ARHGEF17: variants seen among roughly 807,000 people sequenced by gnomAD.
ARHGEF17 encodes 164 kDa Rho-specific guanine-nucleotide exchange factor.
ARHGEF17 carries 80 observed loss-of-function variants against 174.0 expected under a neutral mutation model. The observed-to-expected ratio is 0.46, with a 90% CI of 0.38 to 0.55. The LOEUF (loss-of-function observed/expected upper bound fraction) is 0.55. Among genes scored for constraint, ARHGEF17 ranks in the 20% least tolerant of loss-of-function variants. The probability of loss-of-function intolerance (pLI) is 0.00; values close to 1 mark genes in which losing one functional copy is unlikely to be tolerated. For missense variants in ARHGEF17, 2,886 were observed against 2,839.7 expected, an observed-to-expected ratio of 1.02 and a Z score of -0.37; for synonymous variants, 1,311 against 1,189.1, an observed-to-expected ratio of 1.10 and a Z score of -2.11.
intron 1 of ARHGEF17, among the ~76,000 whole-genome samples, chr11:73,337,904 G>A (rs995006551): frequency 1.3e-5 from 2 of 152,112 alleles, no homozygotes; most frequent in Non-Finnish European, 2.9e-5. Flanking sequence ...CCCACCCCAG[G>A]TGCATACACG....
intron 2 of ARHGEF17, among the ~76,000 whole-genome samples, chr11:73,349,415 G>T (rs903061669): frequency 1.3e-5 from 2 of 152,170 alleles, no homozygotes; most frequent in Non-Finnish European, 2.9e-5. Flanking sequence ...AGGAGTTCAA[G>T]ACCAGCCTAG....
At chr11:73,325,302 A>G (rs112463798) in intron 1 of ARHGEF17, among the ~76,000 whole-genome samples, 3 of 151,976 alleles carry the variant, frequency 2.0e-5, no homozygotes, top group East Asian at 3.9e-4. Context: ...CTTGGGCCTC[A>G]GTCATCAGGT....
chr11:73,358,453 C>CTTTTTTTTTTTT (rs1172357794), intron 9 of ARHGEF17, among the ~76,000 whole-genome samples: 1 of 93,296 alleles, frequency 1.1e-5, no homozygotes, highest in African/African-American at 4.9e-5. Context: ...AGGTCCGCCT[C>CTTTTTTTTTTTT]TTTTTTTTTT....
intron 7 of ARHGEF17, 101 bp downstream of exon 7, chr11:73,356,860 C>A: frequency 1.3e-6 from 2 of 1,562,338 alleles, no homozygotes; most frequent in South Asian, 1.1e-5. Flanking sequence ...CTCTTTCACC[C>A]CGAGGGGAGC....
intron 2 of ARHGEF17, 144 bp downstream of exon 2, chr11:73,347,104 C>A: frequency 1.2e-6 from 1 of 825,556 alleles, no homozygotes; most frequent in Non-Finnish European, 2.0e-6. Context: ...CCATGAAGAA[C>A]CCCCAGCATG....
At chr11:73,347,733 G>A (rs186286753) in intron 2 of ARHGEF17, among the ~76,000 whole-genome samples, 49 of 152,376 alleles carry the variant, frequency 3.2e-4, no homozygotes, top group African/African-American at 1.1e-3. Context: ...GCTTTGAGCA[G>A]GGGAGGTGTG....
Position 73,308,690 on chromosome 11 carries a change from C to G in ARHGEF17, c.52C>G (p.Leu18Val). The part of the protein sequence containing the change: ...PQLYRSVSFK[L>V]LERWSGGPGL... ...GCTTTACCGCAGCGTCTCGTTCAAG[C>G]TGCTGGAGCGCTGGAGCGGCGGCCC... Residue 18 changes from leucine (L) to valine (V), a missense_variant, in exon 1 of 21, where the codon CTG becomes GTG. Transcript: ENST00000263674. The G allele has an allele frequency of 1.3e-6, 2 of 1,520,546 alleles. No homozygotes were observed. Among genetic ancestry groups the G allele is most frequent in the Non-Finnish European group, 1.8e-6 (2 of 1,137,400 alleles). The allele number at this position is 1,520,546 out of a possible 1,614,324, so 94.2% of individuals were successfully genotyped here.
In ARHGEF17 at chr11:73,328,657, G is replaced by A. The variant is rs151229379; in HGVS notation, c.3192+16827G>A. ...TGGAACTGTCCCAGAGGAGACCAAT[G>A]TGGAAACAGAAGAGGGAAAGCAAAG... is the stretch of plus-strand genomic sequence containing the variant. On this transcript the variant is annotated intron_variant, in intron 1 of 20. Transcript: ENST00000263674. Among the ~76,000 whole-genome samples the A allele has an allele frequency of 1.1e-4, 17 of 152,368 alleles. 1 individual carries two copies. The highest frequency in any genetic ancestry group is 1.1e-3 in the Admixed American group (17 of 15,308).
rs1249075794 is a variant in ARHGEF17 at position 73,340,608 on chromosome 11, T to G, written c.3193-6275T>G. Among the ~76,000 whole-genome samples, 3 of 152,302 alleles carry G rather than the reference T, an allele frequency of 2.0e-5. No homozygotes were observed. The East Asian group carries it at 5.8e-4, about 29-fold the overall frequency. ...TCTAAATCCTGAGCCACACACTGCC[T>G]CTCAGCCACTCAGAGGAAGCTGATG... On this transcript the variant is annotated intron_variant, in intron 1 of 20. Transcript: ENST00000263674.
In ARHGEF17 at chr11:73,310,769, A is replaced by C. The variant is rs987216909; in HGVS notation, c.2131A>C (p.Lys711Gln). The change falls in exon 1 of 21, where the codon AAA (lysine) becomes CAA (glutamine). Residue 711 changes from lysine to glutamine, a missense_variant. Lys to Gln is a moderately conservative substitution (Grantham distance 53). This residue lies in a region of ARHGEF17 where 1,728 missense variants were observed against 1,461.2 expected (regional missense o/e 1.18). Transcript: ENST00000263674. Reference protein sequence around the residue: ...PTPGALRRRRKVPPSGSGGSE... With the variant: ...PTPGALRRRRQVPPSGSGGSE... ...ACCAGGTGCCCTCCGCCGACGACGC[A>C]AAGTCCCACCTTCAGGTTCTGGTGG... 1 of 1,611,584 alleles carries C rather than the reference A, an allele frequency of 6.2e-7. No individual in the cohort carries two copies. Among genetic ancestry groups the C allele is most frequent in the Non-Finnish European group, 8.5e-7 (1 of 1,178,794 alleles).
intron 1 of ARHGEF17, among the ~76,000 whole-genome samples, chr11:73,317,305 C>G (rs948474866): frequency 1.3e-5 from 2 of 152,182 alleles, no homozygotes; most frequent in African/African-American, 4.8e-5. Context: ...CCCCCTACCC[C>G]CCAAGGTAGC....
rs1865160141 is a variant in ARHGEF17, at chr11:73,329,357, A to ATTT, written c.3193-17525_3193-17524insTTT. 9.7e-4 allele frequency among the ~76,000 whole-genome samples: 4 copies of ATTT among 4,124 alleles called. 1 individual carries two copies. The highest frequency in any genetic ancestry group is 2.1e-3 in the Non-Finnish European group (4 of 1,888). 2.7% of individuals were successfully genotyped at this position (4,124 alleles called of 152,430 possible). A position where few individuals can be genotyped will look rare whatever the true frequency, so the allele number is the denominator to read the frequency against. On this transcript the variant is annotated intron_variant, in intron 1 of 20. Transcript: ENST00000263674. ...TATATATATATATATATATATATAT[A>ATTT]TATATATATATATATATTTTTTTTT...
chr11:73,327,097 C>T (rs1380539253), intron 1 of ARHGEF17, among the ~76,000 whole-genome samples: 2 of 152,214 alleles, frequency 1.3e-5, no homozygotes, highest in African/African-American at 4.8e-5. Flanking sequence ...ATCCTTGGTG[C>T]TCCTATGAGC....
rs535888555 is a variant in ARHGEF17 at position 73,339,219 on chromosome 11, T to G, written c.3193-7664T>G. Among the ~76,000 whole-genome samples the G allele has an allele frequency of 2.0e-5, 3 of 152,302 alleles. No individual in the cohort carries two copies. The South Asian group carries it at 6.2e-4, about 32-fold the overall frequency. On this transcript the variant is annotated intron_variant, in intron 1 of 20. Coordinates refer to ENST00000263674, the MANE Select transcript of ARHGEF17 (RefSeq NM_014786.4). ...GTGCCCAGTAGGGCACAGACCTCTT[T>G]CCTTACCTTTAAATCCCCAGCACAG...
intron 1 of ARHGEF17, among the ~76,000 whole-genome samples, chr11:73,334,799 G>A (rs186933064): frequency 6.6e-6 from 1 of 152,230 alleles, no homozygotes; most frequent in East Asian, 1.9e-4. Context: ...GAACAAGAGG[G>A]GCTGGAAACA....
chr11:73,354,482 G>A (rs772415872), intron 3 of ARHGEF17, among the ~76,000 whole-genome samples: 5 of 152,180 alleles, frequency 3.3e-5, no homozygotes, highest in Non-Finnish European at 5.9e-5. Flanking sequence ...TTGGGAGGCC[G>A]AGGCAGGCAG....
chr11:73,356,365 G>GCCCCCCCCCCCCCCCCCCCCCCCCC lies in ARHGEF17; in HGVS notation c.3840+18_3840+19insCCCCCCCCCCCCCCCCCCCCCCCCC. ...GGCATGGAGGATGTGCGTGCGCCCT[G>GCCCCCCCCCCCCCCCCCCCCCCCCC]CCCCACCCCACCCTACCCCACCCCA... is the stretch of plus-strand genomic sequence containing the variant. On this transcript the variant is annotated intron_variant, in intron 6 of 20. Transcript: ENST00000263674. The GCCCCCCCCCCCCCCCCCCCCCCCCC allele has an allele frequency of 1.9e-6, 3 of 1,593,360 alleles. No homozygotes were observed. Among genetic ancestry groups the GCCCCCCCCCCCCCCCCCCCCCCCCC allele is most frequent in the East Asian group, 2.3e-5 (1 of 44,316 alleles).
At chr11:73,352,750 C>CA in intron 2 of ARHGEF17, 80 bp from the exon 3 acceptor site, 1 of 1,500,122 alleles carries the variant, frequency 6.7e-7, no homozygotes, top group Middle Eastern at 1.7e-4. Context: ...ATTCTGTGTG[C>CA]ACTCACACAG....
intron 3 of ARHGEF17, 200 bp downstream of exon 3, chr11:73,353,212 C>T: frequency 1.5e-6 from 1 of 670,718 alleles, no homozygotes; most frequent in Non-Finnish European, 2.5e-6. Context: ...TACCCCAAAG[C>T]TTGGCCAGAC....
Sources: allele counts gnomAD v4.1 joint callset (sites outside exome capture counted in the v4.1 genomes callset), GRCh38; gene constraint gnomAD v4.1.1; regional missense constraint gnomAD v4.1.1; transcripts MANE v1.5; gene names NCBI Gene and HGNC (gene_info 2026-07-23, HGNC 2026-07-21).